The following TSPAN15 variants were observed in gnomAD, a reference collection of about 807,000 sequenced individuals.
TSPAN15 encodes the protein tetraspanin 15, also known as tetraspanin-15.
In TSPAN15, 20 loss-of-function variants were observed where a neutral mutation model predicts 34.5. That is an observed-to-expected ratio of 0.58 (90% confidence interval 0.41 to 0.84). The LOEUF is 0.84. Ranked by LOEUF, TSPAN15 falls within the 40% of genes least tolerant of loss-of-function variation. TSPAN15 has a pLI of 0.00. For synonymous variants in TSPAN15, 155 were observed against 153.9 expected (o/e 1.01, Z -0.05); for missense variants, 313 against 386.1 (o/e 0.81, Z 1.59).
chr10:69,538,727 A>G, the TSPAN15 span, among the ~76,000 whole-genome samples: 1 of 152,244 alleles, frequency 6.6e-6, no homozygotes. Context: ...GATCATGACC[A>G]GCCTGAGAGT....
At chr10:69,528,716 G>A in the TSPAN15 span, among the ~76,000 whole-genome samples, 2 of 148,390 alleles carry the variant, frequency 1.3e-5, no homozygotes, top group South Asian at 2.1e-4. Flanking sequence ...GCTGCTTTCC[G>A]CAGCCAGGGT....
downstream of TSPAN15, among the ~76,000 whole-genome samples, chr10:69,508,814 A>G (rs1280983970): frequency 6.7e-6 from 1 of 149,546 alleles, no homozygotes; most frequent in Non-Finnish European, 1.5e-5. Context: ...TTGAGCCCAG[A>G]TAGGATCTCT....
chr10:69,467,975 G>C (rs548207234), intron 1 of TSPAN15, among the ~76,000 whole-genome samples: 15 of 152,262 alleles, frequency 9.9e-5, no homozygotes, highest in Middle Eastern at 6.8e-3. Flanking sequence ...GGGGACTGTC[G>C]TGTGTTACTT....
At chr10:69,504,571 G>A (rs1353313124) in intron 6 of TSPAN15, 86 bp downstream of exon 6, 17 of 1,356,734 alleles carry the variant, frequency 1.3e-5, no homozygotes, top group Non-Finnish European at 1.8e-5. Flanking sequence ...TGAGGTCGGG[G>A]TCCTGGCCAC....
At chr10:69,461,931 C>A (rs373043324) in intron 1 of TSPAN15, among the ~76,000 whole-genome samples, 6 of 150,834 alleles carry the variant, frequency 4.0e-5, no homozygotes, top group African/African-American at 9.8e-5. Context: ...CACCACCCCC[C>A]CCATCACCAG....
downstream of TSPAN15, among the ~76,000 whole-genome samples, chr10:69,509,460 G>T (rs1279622919): frequency 6.6e-6 from 1 of 150,732 alleles, no homozygotes; most frequent in Non-Finnish European, 1.5e-5. Flanking sequence ...ATTTGTTTAA[G>T]TTCCTTTAAA....
the TSPAN15 span, among the ~76,000 whole-genome samples, chr10:69,527,347 G>A: frequency 6.8e-6 from 1 of 147,712 alleles, no homozygotes; most frequent in African/African-American, 2.5e-5. Flanking sequence ...TGTAATCCCA[G>A]CACTTTGGGA....
intron 1 of TSPAN15, among the ~76,000 whole-genome samples, chr10:69,452,376 T>A (rs1395307326): frequency 2.6e-5 from 4 of 152,326 alleles, no homozygotes; most frequent in Non-Finnish European, 4.4e-5. Flanking sequence ...TATATTTTAT[T>A]TTTTATTTAA....
At chr10:69,519,940 C>T in the TSPAN15 span, among the ~76,000 whole-genome samples, 7 of 152,174 alleles carry the variant, frequency 4.6e-5, no homozygotes, top group Non-Finnish European at 1.0e-4. Context: ...CCATGTTGGC[C>T]AGGCTGGTCT....
At chr10:69,463,532 G>A (rs946594738) in intron 1 of TSPAN15, among the ~76,000 whole-genome samples, 8 of 152,220 alleles carry the variant, frequency 5.3e-5, no homozygotes, top group Admixed American at 2.0e-4. Context: ...GTTCTTGGCC[G>A]GGTGCGGTGG....
chr10:69,453,796 G>A (rs1841025677), intron 1 of TSPAN15, among the ~76,000 whole-genome samples: 1 of 152,210 alleles, frequency 6.6e-6, no homozygotes, highest in Non-Finnish European at 1.5e-5. Context: ...CCCTTGCCTT[G>A]CTTCTCTTGG....
intron 1 of TSPAN15, 41 bp downstream of exon 1, chr10:69,451,731 C>T (rs376796435): frequency 8.0e-5 from 111 of 1,384,436 alleles, no homozygotes; most frequent in Non-Finnish European, 1.0e-4. Context: ...GGGTGGGGAC[C>T]CACAATCCGG....
the TSPAN15 span, among the ~76,000 whole-genome samples, chr10:69,542,200 G>A: frequency 1.3e-5 from 2 of 152,078 alleles, no homozygotes; most frequent in African/African-American, 2.4e-5. Flanking sequence ...TCTTTGCATA[G>A]CAAGGGTGGC....
intron 1 of TSPAN15, among the ~76,000 whole-genome samples, chr10:69,462,155 GTT>G (rs755068937): frequency 0.011 from 943 of 82,572 alleles, 3 homozygotes; most frequent in African/African-American, 0.041. Context: ...TAATTTTAAA[GTT>G]TTTTTTTTTT....
chr10:69,485,348 G>T, intron 3 of TSPAN15, 133 bp downstream of exon 3: 1 of 791,632 alleles, frequency 1.3e-6, no homozygotes, highest in Non-Finnish European at 2.2e-6. Flanking sequence ...GAAAGAGAAT[G>T]ACAGGCACTG....
At chr10:69,484,410 C>T (rs1806964250) in intron 2 of TSPAN15, among the ~76,000 whole-genome samples, 1 of 152,246 alleles carries the variant, frequency 6.6e-6, no homozygotes, top group Admixed American at 6.5e-5. Flanking sequence ...TGGCTTGGGC[C>T]ATGTGCCCAT....
chr10:69,548,312 G>A, the TSPAN15 span, among the ~76,000 whole-genome samples: 1 of 152,208 alleles, frequency 6.6e-6, no homozygotes, highest in Non-Finnish European at 1.5e-5. Flanking sequence ...TCCTAAGATA[G>A]TCCAGTCCTC....
At chr10:69,458,882 T>G (rs887608372) in intron 1 of TSPAN15, among the ~76,000 whole-genome samples, 1 of 152,210 alleles carries the variant, frequency 6.6e-6, no homozygotes, top group African/African-American at 2.4e-5. Context: ...TGGACCTTGC[T>G]GCCTTTGGGT....
intron 1 of TSPAN15, among the ~76,000 whole-genome samples, chr10:69,482,620 T>G (rs550984504): frequency 6.6e-6 from 1 of 152,338 alleles, no homozygotes; most frequent in South Asian, 2.1e-4. Flanking sequence ...TGTTTCCACA[T>G]TCATTCACTC....
Sources: allele counts gnomAD v4.1 joint callset (sites outside exome capture counted in the v4.1 genomes callset), GRCh38; gene constraint gnomAD v4.1.1; transcripts MANE v1.5; gene names NCBI Gene and HGNC (gene_info 2026-07-23, HGNC 2026-07-21).